KERA: variants seen among roughly 807,000 people sequenced by gnomAD.
KERA encodes keratocan, also known as keratan sulfate proteoglycan keratocan.
A neutral mutation model predicts 26.4 loss-of-function variants in KERA; 25 were observed. That is an observed-to-expected ratio of 0.95 (90% confidence interval 0.69 to 1.32). KERA has a LOEUF of 1.32. KERA is among the 40% of genes most tolerant of loss of function. The pLI, the probability that KERA is intolerant of heterozygous loss-of-function variation, is 0.00. For synonymous variants in KERA, 167 were observed against 146.1 expected (o/e 1.14, Z -1.03); for missense variants, 434 against 408.9 (o/e 1.06, Z -0.53).
At position 91,051,165 on chromosome 12, in the gene KERA, G is replaced by T; in HGVS notation, c.*181C>A. On this transcript the variant is annotated 3_prime_UTR_variant, in exon 3 of 3. Transcript: ENST00000266719. ...TTAATTAAAAGAAAAGCAAATTAAT[G>T]CAGGCTGTGATGCATGTAACTGGCA... 1 of 580,008 alleles carries T rather than the reference G, an allele frequency of 1.7e-6. No homozygotes were observed. Among genetic ancestry groups the T allele is most frequent in the Non-Finnish European group, 3.1e-6 (1 of 321,940 alleles). 35.9% of individuals were successfully genotyped at this position (580,008 alleles called of 1,614,324 possible).
chr12:91,056,593 T>C (rs1164141626), intron 1 of KERA, among the ~76,000 whole-genome samples: 1 of 151,250 alleles, frequency 6.6e-6, no homozygotes, highest in African/African-American at 2.4e-5. Flanking sequence ...AGCTATTTAA[T>C]TTAAAGAACT....
chr12:91,051,848 T>C (rs1050375629), intron 2 of KERA, among the ~76,000 whole-genome samples: 1 of 151,552 alleles, frequency 6.6e-6, no homozygotes, highest in African/African-American at 2.4e-5. Context: ...AAAGCACATT[T>C]AGATTGCTGT....
intron 1 of KERA, 34 bp downstream of exon 1, chr12:91,057,710 C>G (rs574127423): frequency 6.6e-5 from 10 of 150,404 alleles, no homozygotes; most frequent in South Asian, 4.2e-4. Context: ...GCATGCTTAA[C>G]TTTAAGAGTT....
intron 2 of KERA, among the ~76,000 whole-genome samples, chr12:91,053,876 A>C (rs1428178938): frequency 6.6e-6 from 1 of 151,356 alleles, no homozygotes; most frequent in African/African-American, 2.4e-5. Context: ...CTCTATGTGG[A>C]GTCACTTGAA....
intron 1 of KERA, among the ~76,000 whole-genome samples, chr12:91,056,535 G>A (rs1330222946): frequency 3.3e-5 from 5 of 151,078 alleles, no homozygotes; most frequent in South Asian, 2.1e-4. Context: ...AATAAAAGCC[G>A]AGAAATGGAA....
chr12:91,057,220 G>A (rs1879031231), intron 1 of KERA, among the ~76,000 whole-genome samples: 1 of 150,182 alleles, frequency 6.7e-6, no homozygotes, highest in Non-Finnish European at 1.5e-5. Context: ...GTGGATAATG[G>A]AAAGTAGGTT....
At chr12:91,054,030 C>T (rs909801160) in intron 2 of KERA, among the ~76,000 whole-genome samples, 4 of 150,876 alleles carry the variant, frequency 2.7e-5, no homozygotes, top group African/African-American at 4.8e-5. Context: ...TAAACAGATT[C>T]ATCTCTTAAC....
Position 91,055,926 on chromosome 12 carries a change from T to A in KERA, c.356A>T (p.Gln119Leu). The A allele has an allele frequency of 1.2e-6, 2 of 1,611,258 alleles. No homozygotes were observed. The stretch of plus-strand genomic sequence containing the variant: ...AAATAAGAAGAGCAACTTCTTCAGC[T>A]GGCTTAGGGCTCCTTTTTCAATTCC... ...NYGIEKGALSQLKKLLFLFLE... is the reference protein window; with the variant it reads ...NYGIEKGALSLLKKLLFLFLE... The change falls in exon 2 of 3, where the codon CAG becomes CTG. Residue 119 changes from glutamine (Q) to leucine (L), a missense_variant. Transcript: ENST00000266719.
intron 2 of KERA, among the ~76,000 whole-genome samples, chr12:91,055,068 T>G (rs1380248660): frequency 2.0e-5 from 3 of 151,188 alleles, no homozygotes; most frequent in Non-Finnish European, 3.0e-5. Flanking sequence ...GTATGGTTTC[T>G]TAAATAAGCC....
At chr12:91,054,661 T>C (rs913289266) in intron 2 of KERA, among the ~76,000 whole-genome samples, 21 of 151,346 alleles carry the variant, frequency 1.4e-4, no homozygotes, top group Non-Finnish European at 1.5e-5. Context: ...AAAGCTCTTT[T>C]CAGGAAAGGA....
intron 2 of KERA, among the ~76,000 whole-genome samples, chr12:91,054,760 T>C (rs767843453): frequency 6.6e-6 from 1 of 151,260 alleles, no homozygotes; most frequent in Non-Finnish European, 1.5e-5. Context: ...AATAAAGCCT[T>C]AAACTATAGT....
chr12:91,056,154 G>T lies in KERA; in HGVS notation c.128C>A (p.Pro43His), dbSNP rs202094304. 3.0e-5 allele frequency: 49 copies of T among 1,610,260 alleles called. No individual in the cohort carries two copies. In the Middle Eastern group the frequency reaches 1.8e-3, roughly 60 times the overall value. The change falls in exon 2 of 3, where the codon CCC becomes CAC. Residue 43 changes from proline (P) to histidine (H), a missense_variant. By Grantham distance (77) the Pro-to-His change is moderately conservative. Transcript: ENST00000266719. The part of the protein sequence containing the change: ...DDWTIHDFEC[P>H]MECFCPPSFP... ...ACTGGGTGGGCAGAAACATTCCATG[G>T]GACACTCGAAGTCATGAATAGTCCA...
At chr12:91,055,329 T>C (rs1168111482) in intron 2 of KERA, 67 bp downstream of exon 2, 8 of 1,403,652 alleles carry the variant, frequency 5.7e-6, no homozygotes, top group Non-Finnish European at 8.0e-6. Flanking sequence ...CTCTTCTTAA[T>C]GAAAATAAAG....
rs758552587 is a variant in KERA at position 91,056,073 on chromosome 12, G to A, written c.209C>T (p.Pro70Leu). The change falls in exon 2 of 3, where the codon CCT becomes CTT. Residue 70 changes from proline to leucine, a missense_variant. By Grantham distance (98) the Pro-to-Leu change is moderately conservative (BLOSUM62 -3). Coordinates refer to ENST00000266719, the MANE Select transcript of KERA (RefSeq NM_007035.4). ...AAGATAAAGATACCAAATTCTTGAA[G>A]GAATAGCAGGAATTTCTTTGAGACC... is the stretch of plus-strand genomic sequence containing the variant. ...NRGLKEIPAI[P>L]SRIWYLYLQN... is the part of the protein sequence containing the mutation. The A allele has an allele frequency of 2.2e-5, 35 of 1,607,546 alleles. No individual in the cohort carries two copies. The highest frequency in any genetic ancestry group is 8.5e-5 in the Admixed American group (5 of 59,170).
chr12:91,056,690 A>G (rs929402628), intron 1 of KERA, among the ~76,000 whole-genome samples: 5 of 151,238 alleles, frequency 3.3e-5, no homozygotes, highest in Non-Finnish European at 5.9e-5. Context: ...TCCTGAGAGG[A>G]AAGCATATGC....
chr12:91,052,141 T>G (rs376233411), intron 2 of KERA, among the ~76,000 whole-genome samples: 2 of 151,274 alleles, frequency 1.3e-5, no homozygotes. Context: ...AACTAAAATT[T>G]TGCTAAGAAT....
chr12:91,056,168 A>G lies in KERA; in HGVS notation c.114T>C (p.His38=), dbSNP rs1878999412. Residue 38 remains histidine, a synonymous_variant, in exon 2 of 3, where the codon CAT becomes CAC. Coordinates refer to ENST00000266719, the MANE Select transcript of KERA (RefSeq NM_007035.4). ...EVHDSDDWTI[H]DFECPMECFC... is the part of the protein sequence containing the mutation. Reference sequence around the variant, plus strand: ...AACATTCCATGGGACACTCGAAGTCATGAATAGTCCAATCATCTGAATCAT... The same window carrying G: ...AACATTCCATGGGACACTCGAAGTCGTGAATAGTCCAATCATCTGAATCAT... 4 of 1,610,416 alleles carry G rather than the reference A, an allele frequency of 2.5e-6. No individual in the cohort carries two copies. Among genetic ancestry groups the G allele is most frequent in the East Asian group, 2.2e-5 (1 of 44,776 alleles).
rs11105953 is a variant in KERA at position 91,050,987 on chromosome 12, G to T, written c.*359C>A. On this transcript the variant is annotated 3_prime_UTR_variant, in exon 3 of 3. Coordinates refer to ENST00000266719, the MANE Select transcript of KERA (RefSeq NM_007035.4). ...TTATTACATTTATACTGTAAATTACGGTATCTGCATAAGTAATTTTAAACA... is the reference window on the plus strand; with the variant it reads ...TTATTACATTTATACTGTAAATTACTGTATCTGCATAAGTAATTTTAAACA... 7 of 197,806 alleles carry T rather than the reference G, an allele frequency of 3.5e-5. No homozygotes were observed. The highest frequency in any genetic ancestry group is 1.9e-4 in the South Asian group (2 of 10,756). The allele number at this position is 197,806 out of a possible 1,614,324, so 12.3% of individuals were successfully genotyped here.
In KERA at chr12:91,050,735, C is replaced by A. The variant is rs1878845384; in HGVS notation, c.*611G>T. ...GGACTATATCTAAAAACAACAGCTA[C>A]AAGAAATGGTAATGAACTAGAAGTG... On this transcript the variant is annotated 3_prime_UTR_variant, in exon 3 of 3. Coordinates refer to ENST00000266719, the MANE Select transcript of KERA (RefSeq NM_007035.4). The A allele has an allele frequency of 6.6e-6, 1 of 152,186 alleles. No individual in the cohort carries two copies. Among genetic ancestry groups the A allele is most frequent in the African/African-American group, 2.4e-5 (1 of 41,326 alleles). 9.4% of individuals were successfully genotyped at this position (152,186 alleles called of 1,614,324 possible).
Sources: gnomAD v4.1 joint callset for allele counts (sites outside exome capture counted in the v4.1 genomes callset) on GRCh38, gnomAD v4.1.1 for gene constraint, MANE v1.5 for transcripts, NCBI Gene and HGNC (gene_info 2026-07-23, HGNC 2026-07-21) for gene names.